The following WDPCP variants were observed in gnomAD, a reference collection of about 807,000 sequenced individuals.
WDPCP encodes WD repeat-containing and planar cell polarity effector protein fritz homolog.
Under a neutral mutation model 93.1 loss-of-function variants are expected in WDPCP, and 71 were observed. The ratio of observed to expected loss-of-function variants is 0.76; its 90% CI spans 0.63 to 0.93. The LOEUF (loss-of-function observed/expected upper bound fraction) is 0.93. Ranked by LOEUF, WDPCP falls within the 40% of genes least tolerant of loss-of-function variation. The pLI, the probability that WDPCP is intolerant of heterozygous loss-of-function variation, is 0.00. For missense variants in WDPCP, 844 were observed against 887.4 expected, an observed-to-expected ratio of 0.95 and a Z score of 0.62; for synonymous variants, 315 against 315.0, an observed-to-expected ratio of 1.00 and a Z score of 0.00.
chr2:63,752,864 G>A (rs1389223003), intron 2 of WDPCP, among the ~76,000 whole-genome samples: 1 of 151,894 alleles, frequency 6.6e-6, no homozygotes, highest in African/African-American at 2.4e-5. Context: ...GTTAATTTTT[G>A]TATTTTTTAA....
chr2:63,622,136 A>G, intron 3 of WDPCP: 1 of 1,525,388 alleles, frequency 6.6e-7, no homozygotes, highest in South Asian at 1.2e-5. Context: ...AGAGGGGCTA[A>G]GCCTAGCTGT....
At chr2:63,409,959 T>C (rs988177419) in intron 9 of WDPCP, among the ~76,000 whole-genome samples, 1 of 152,168 alleles carries the variant, frequency 6.6e-6, no homozygotes, top group Non-Finnish European at 1.5e-5. Flanking sequence ...GAAAACAAAA[T>C]TGGGAGAATA....
intron 2 of WDPCP, among the ~76,000 whole-genome samples, chr2:63,669,402 C>G (rs973212487): frequency 1.3e-5 from 2 of 151,276 alleles, no homozygotes; most frequent in East Asian, 3.9e-4. Context: ...CTCTATCACC[C>G]AGGCTGGAGT....
chr2:63,403,128 T>C (rs1694278702), intron 10 of WDPCP, among the ~76,000 whole-genome samples: 1 of 152,190 alleles, frequency 6.6e-6, no homozygotes, highest in Non-Finnish European at 1.5e-5. Context: ...TGCAGGAACT[T>C]GGACGGAGCT....
chr2:63,188,563 A>C (rs1176019959), intron 14 of WDPCP, among the ~76,000 whole-genome samples: 1 of 151,674 alleles, frequency 6.6e-6, no homozygotes, highest in Non-Finnish European at 1.5e-5. Context: ...TGAACTCCTG[A>C]GCTCAAGCAA....
intron 6 of WDPCP, among the ~76,000 whole-genome samples, chr2:63,479,661 T>A (rs946996470): frequency 6.6e-6 from 1 of 152,078 alleles, no homozygotes; most frequent in Non-Finnish European, 1.5e-5. Context: ...GGGACATACC[T>A]TAATGTAATA....
chr2:63,787,274 G>A (rs1670481207), intron 2 of WDPCP, among the ~76,000 whole-genome samples: 1 of 152,206 alleles, frequency 6.6e-6, no homozygotes, highest in South Asian at 2.1e-4. Flanking sequence ...CAGGATAGAA[G>A]AGACAGGCAT....
chr2:63,451,939 T>A (rs192006753), intron 6 of WDPCP, among the ~76,000 whole-genome samples: 222 of 152,248 alleles, frequency 1.5e-3, no homozygotes, highest in African/African-American at 5.2e-3. Flanking sequence ...ATGGGATGTA[T>A]CTCAAAATAA....
At chr2:63,507,423 T>A (rs535763152) in intron 1 of WDPCP, among the ~76,000 whole-genome samples, 26 of 152,062 alleles carry the variant, frequency 1.7e-4, no homozygotes, top group Non-Finnish European at 2.6e-4. Flanking sequence ...AGTGTGAGGT[T>A]AGAAAAAAAC....
intron 14 of WDPCP, among the ~76,000 whole-genome samples, chr2:63,179,303 T>A (rs1269030615): frequency 6.6e-6 from 1 of 151,566 alleles, no homozygotes; most frequent in Non-Finnish European, 1.5e-5. Context: ...GATGCTGGCA[T>A]CTGCTCAGCT....
In WDPCP at chr2:63,570,633, G is replaced by C. The variant is rs13430937; in HGVS notation, c.75+17564C>G. Among the ~76,000 whole-genome samples the C allele has an allele frequency of 8.9e-4, 135 of 152,318 alleles. No individual in the cohort carries two copies. The Middle Eastern group carries it at 0.01, about 12-fold the overall frequency. ...TCATGTTTACAGGGGAGAAATTGAA[G>C]TGTATATATTATATGTAGGAAAAAC... On this transcript the variant is annotated intron_variant, in intron 1 of 17. Transcript: ENST00000272321.
intron 3 of WDPCP, among the ~76,000 whole-genome samples, chr2:63,629,553 T>C (rs1276443007): frequency 6.6e-6 from 1 of 152,224 alleles, no homozygotes; most frequent in Non-Finnish European, 1.5e-5. Context: ...TAAGGACTTA[T>C]ATCAGCAAAG....
At chr2:63,323,778 C>A (rs544465560) in intron 12 of WDPCP, among the ~76,000 whole-genome samples, 1 of 151,950 alleles carries the variant, frequency 6.6e-6, no homozygotes, top group Non-Finnish European at 1.5e-5. Flanking sequence ...TTCGAGAATG[C>A]GTTGGTAAGG....
At chr2:63,191,505 G>A (rs1675041107) in intron 14 of WDPCP, among the ~76,000 whole-genome samples, 1 of 152,168 alleles carries the variant, frequency 6.6e-6, no homozygotes, top group Non-Finnish European at 1.5e-5. Context: ...AAAATCCAGT[G>A]TTCAGGCTTT....
At chr2:63,486,035 C>T (rs1700556064) in intron 4 of WDPCP, among the ~76,000 whole-genome samples, 7 of 151,600 alleles carry the variant, frequency 4.6e-5, no homozygotes, top group Admixed American at 3.3e-4. Flanking sequence ...ATTTTCAGCT[C>T]TAGCTATAAT....
At chr2:63,161,870 T>G (rs1672671733) in intron 15 of WDPCP, among the ~76,000 whole-genome samples, 1 of 152,058 alleles carries the variant, frequency 6.6e-6, no homozygotes, top group Non-Finnish European at 1.5e-5. Context: ...TTCAAGCGAT[T>G]CTCCTGCCTC....
intron 3 of WDPCP, among the ~76,000 whole-genome samples, chr2:63,650,455 C>T (rs1710096681): frequency 1.3e-5 from 2 of 152,302 alleles, no homozygotes; most frequent in East Asian, 1.9e-4. Flanking sequence ...GGACTTGCCC[C>T]GCCCAGTGAC....
At chr2:63,553,541 T>TC (rs1705840721) in intron 1 of WDPCP, among the ~76,000 whole-genome samples, 2 of 152,166 alleles carry the variant, frequency 1.3e-5, no homozygotes. Flanking sequence ...TCAACATGTC[T>TC]CATGTTGACC....
intron 1 of WDPCP, among the ~76,000 whole-genome samples, chr2:63,504,739 T>A (rs2106034574): frequency 6.6e-6 from 1 of 152,162 alleles, no homozygotes; most frequent in African/African-American, 2.4e-5. Flanking sequence ...GACCAACTTT[T>A]ACTTTAATTT....
Sources: allele counts gnomAD v4.1 joint callset (sites outside exome capture counted in the v4.1 genomes callset), GRCh38; gene constraint gnomAD v4.1.1; transcripts MANE v1.5; gene names NCBI Gene and HGNC (gene_info 2026-07-23, HGNC 2026-07-21).